The following ACOXL variants were observed in gnomAD, a reference collection of about 807,000 sequenced individuals.
The protein encoded by ACOXL is acyl-coenzyme A oxidase-like protein.
In ACOXL, 70 loss-of-function variants were observed where a neutral mutation model predicts 71.9. The observed-to-expected ratio is 0.97, with a 90% CI of 0.80 to 1.19. ACOXL has a LOEUF of 1.19. Ranked by LOEUF, ACOXL falls within the 50% of genes most tolerant of loss-of-function variation. The pLI is 0.00. For synonymous variants in ACOXL, 253 were observed against 281.6 expected (o/e 0.90, Z 1.02); for missense variants, 703 against 736.3 (o/e 0.95, Z 0.52).
At chr2:111,003,748 G>A (rs1261591139) in intron 14 of ACOXL, among the ~76,000 whole-genome samples, 1 of 151,894 alleles carries the variant, frequency 6.6e-6, no homozygotes, top group Non-Finnish European at 1.5e-5. Flanking sequence ...AAATATCTTG[G>A]TTACTACCAT....
At chr2:110,975,844 A>C (rs1406442107) in intron 12 of ACOXL, among the ~76,000 whole-genome samples, 2 of 152,152 alleles carry the variant, frequency 1.3e-5, no homozygotes, top group Admixed American at 1.3e-4. Context: ...GCTGAAGAAC[A>C]AATTTGAGAA....
intron 10 of ACOXL, among the ~76,000 whole-genome samples, chr2:110,866,734 T>C (rs1419110253): frequency 6.6e-6 from 1 of 152,132 alleles, no homozygotes; most frequent in Non-Finnish European, 1.5e-5. Flanking sequence ...TGTATTCACT[T>C]GCTCACCCGT....
intron 17 of ACOXL, chr2:111,101,088 G>C (rs1208145882): frequency 2.0e-5 from 3 of 152,656 alleles, no homozygotes; most frequent in Non-Finnish European, 4.4e-5. Context: ...CTTGGAGGAA[G>C]AATGCGCAGA....
chr2:110,869,744 G>T (rs550047806), intron 10 of ACOXL, among the ~76,000 whole-genome samples: 1 of 152,226 alleles, frequency 6.6e-6, no homozygotes. Context: ...GAGCCACTGT[G>T]CTCTCTTGGC....
At chr2:110,861,096 T>C (rs1211560325) in intron 10 of ACOXL, among the ~76,000 whole-genome samples, 1 of 152,160 alleles carries the variant, frequency 6.6e-6, no homozygotes, top group Non-Finnish European at 1.5e-5. Flanking sequence ...ATCATGCCAC[T>C]GCACTCCTGC....
intron 9 of ACOXL, among the ~76,000 whole-genome samples, chr2:110,823,919 CT>C (rs1309865853): frequency 6.6e-6 from 1 of 152,002 alleles, no homozygotes. Context: ...CAATCTCTGG[CT>C]TTTTATTGTC....
rs559288162 is a variant in ACOXL, at chr2:110,795,260, C to T, written c.345+1086C>T. The stretch of plus-strand genomic sequence containing the variant: ...TGGAGGTGGCCAATGTCTGGAATGA[C>T]AGATGCAGGGGCGGGGTGTATTGGA... On this transcript the variant is annotated intron_variant, in intron 5 of 17. Transcript: ENST00000439055. Among the ~76,000 whole-genome samples the T allele has an allele frequency of 1.1e-3, 160 of 152,294 alleles. 2 individuals are homozygous for T. The highest frequency in any genetic ancestry group is 3.7e-3 in the African/African-American group (153 of 41,568).
At chr2:110,843,193 G>A (rs1691386462) in intron 10 of ACOXL, among the ~76,000 whole-genome samples, 1 of 152,216 alleles carries the variant, frequency 6.6e-6, no homozygotes, top group Non-Finnish European at 1.5e-5. Flanking sequence ...TCAGTGACAA[G>A]CTTGCCCTTC....
chr2:110,772,991 C>T (rs1033883450), intron 2 of ACOXL, among the ~76,000 whole-genome samples: 1 of 152,062 alleles, frequency 6.6e-6, no homozygotes, highest in African/African-American at 2.4e-5. Flanking sequence ...AAAAATTATG[C>T]AATATGGTAA....
In ACOXL at chr2:110,874,214, G is replaced by T. The variant is rs185627431; in HGVS notation, c.788+32809G>T. ...ACGGAACCGAACAGAATGCTTTTGG[G>T]GGGGTGGTGAGGGGCTGCCCCGCTG... On this transcript the variant is annotated intron_variant, in intron 10 of 17. Transcript: ENST00000439055. Among the ~76,000 whole-genome samples the T allele has an allele frequency of 4.8e-3, 726 of 152,344 alleles. 7 individuals are homozygous for T. The highest frequency in any genetic ancestry group is 0.016 in the African/African-American group (676 of 41,574).
intron 10 of ACOXL, among the ~76,000 whole-genome samples, chr2:110,876,197 T>G (rs78612355): frequency 0.01 from 1,581 of 152,298 alleles, 28 homozygotes; most frequent in African/African-American, 0.036. Flanking sequence ...CTTGTAATGC[T>G]CCATCTTGGA....
intron 1 of ACOXL, among the ~76,000 whole-genome samples, chr2:110,751,735 G>T (rs1678989822): frequency 1.3e-5 from 2 of 152,116 alleles, no homozygotes; most frequent in African/African-American, 2.4e-5. Context: ...GTCAACCCTT[G>T]CCTCCACCCT....
At chr2:110,987,859 G>A (rs753991188) in intron 13 of ACOXL, among the ~76,000 whole-genome samples, 11 of 152,122 alleles carry the variant, frequency 7.2e-5, no homozygotes, top group South Asian at 2.1e-4. Context: ...TTTGGGTTGT[G>A]TATGGTTTTT....
intron 14 of ACOXL, among the ~76,000 whole-genome samples, chr2:111,017,136 T>C (rs920370014): frequency 2.0e-5 from 3 of 152,174 alleles, no homozygotes; most frequent in African/African-American, 7.2e-5. Context: ...TTCTTGAAGT[T>C]CCCCCCTGAT....
At position 110,820,276 on chromosome 2, in the gene ACOXL, GA is replaced by G. The variant is rs766938772; in HGVS notation, c.753+14882del. The stretch of plus-strand genomic sequence containing the variant: ...AGCACGTCTGAGCCCAGATGGGAAA[GA>G]GGAAGTGAGAGGGAGAGACCGATGC... On this transcript the variant is annotated intron_variant, in intron 9 of 17. Coordinates refer to ENST00000439055, the MANE Select transcript of ACOXL (RefSeq NM_001142807.4). Among the ~76,000 whole-genome samples the G allele has an allele frequency of 1.6e-3, 242 of 152,296 alleles. 2 individuals carry two copies. The highest frequency in any genetic ancestry group is 3.1e-3 in the Non-Finnish European group (212 of 68,026).
At chr2:111,055,120 G>A (rs539029914) in intron 16 of ACOXL, among the ~76,000 whole-genome samples, 1 of 152,132 alleles carries the variant, frequency 6.6e-6, no homozygotes, top group East Asian at 1.9e-4. Flanking sequence ...TAGTAATTGA[G>A]CCATTCAGTA....
At chr2:110,959,241 G>A (rs2061610486) in intron 12 of ACOXL, among the ~76,000 whole-genome samples, 1 of 152,186 alleles carries the variant, frequency 6.6e-6, no homozygotes, top group African/African-American at 2.4e-5. Context: ...TGAGGCCACA[G>A]CCCTGCCCTG....
At chr2:111,079,251 C>T (rs939781293) in intron 16 of ACOXL, among the ~76,000 whole-genome samples, 4 of 152,010 alleles carry the variant, frequency 2.6e-5, no homozygotes, top group Non-Finnish European at 4.4e-5. Flanking sequence ...CTCATCTATC[C>T]CCCCAGCCTC....
Position 111,031,797 on chromosome 2 carries a change from G to A in ACOXL, c.1369+83G>A, listed in dbSNP as rs999301144. 49 of 1,388,740 alleles carry A rather than the reference G, an allele frequency of 3.5e-5. No homozygotes were observed. The Middle Eastern group carries it at 1.1e-3, about 30-fold the overall frequency. 86.0% of individuals were successfully genotyped at this position (1,388,740 alleles called of 1,614,324 possible). On this transcript the variant is annotated intron_variant, in intron 15 of 17. Transcript: ENST00000439055. ...TGGAGACACAGCTCTGCAGGGAAAGGACAGTCCCAACACACAGGGAAGGGA... is the reference window on the plus strand; with the variant it reads ...TGGAGACACAGCTCTGCAGGGAAAGAACAGTCCCAACACACAGGGAAGGGA...
Sources: gnomAD v4.1 joint callset for allele counts (sites outside exome capture counted in the v4.1 genomes callset) on GRCh38, gnomAD v4.1.1 for gene constraint, MANE v1.5 for transcripts, NCBI Gene and HGNC (gene_info 2026-07-23, HGNC 2026-07-21) for gene names.